CTIF: variants seen among roughly 807,000 people sequenced by gnomAD.
CTIF encodes the protein CBP80/20-dependent translation initiation factor.
In CTIF, 21 loss-of-function variants were observed where a neutral mutation model predicts 66.0. The observed-to-expected ratio is 0.32, with a 90% CI of 0.23 to 0.46. The LOEUF (loss-of-function observed/expected upper bound fraction) is 0.46. CTIF is among the 20% of genes least tolerant of loss of function. The probability of loss-of-function intolerance (pLI) is 1.00; values close to 1 mark genes in which losing one functional copy is unlikely to be tolerated. For synonymous variants in CTIF, 345 were observed against 326.4 expected (o/e 1.06, Z -0.62); for missense variants, 739 against 812.7 (o/e 0.91, Z 1.10).
chr18:48,827,696 C>A (rs1335467700), intron 10 of CTIF, among the ~76,000 whole-genome samples: 2 of 152,186 alleles, frequency 1.3e-5, no homozygotes, highest in Non-Finnish European at 2.9e-5. Flanking sequence ...GGTACCCAGC[C>A]CCTGGGCACT....
intron 10 of CTIF, among the ~76,000 whole-genome samples, chr18:48,842,711 G>A (rs2068974592): frequency 6.6e-6 from 1 of 152,254 alleles, no homozygotes; most frequent in Non-Finnish European, 1.5e-5. Flanking sequence ...CTCTGGGGCT[G>A]TGAAAATCAC....
intron 5 of CTIF, among the ~76,000 whole-genome samples, chr18:48,667,939 C>A (rs1410725724): frequency 6.6e-6 from 1 of 152,242 alleles, no homozygotes; most frequent in Non-Finnish European, 1.5e-5. Context: ...CTGCAGCCTT[C>A]CTGGGATGCA....
chr18:48,730,693 C>CTGTGGTG (rs2092446558), intron 7 of CTIF, among the ~76,000 whole-genome samples: 12 of 144,814 alleles, frequency 8.3e-5, no homozygotes, highest in African/African-American at 1.3e-4. Flanking sequence ...TGAGGAGCCC[C>CTGTGGTG]TGAGGTGTGA....
At chr18:48,632,801 C>G (rs1158285302) in intron 2 of CTIF, among the ~76,000 whole-genome samples, 2 of 152,162 alleles carry the variant, frequency 1.3e-5, no homozygotes, top group African/African-American at 2.4e-5. Flanking sequence ...CCCCACCCCC[C>G]TCTCATTGCT....
chr18:48,849,193 T>C (rs1402731531), intron 10 of CTIF, among the ~76,000 whole-genome samples: 1 of 111,884 alleles, frequency 8.9e-6, no homozygotes, highest in African/African-American at 4.9e-5. Flanking sequence ...ACCAATGCCT[T>C]TTTTTTTTTT....
chr18:48,547,099 G>A (rs1423671228), intron 1 of CTIF, among the ~76,000 whole-genome samples: 1 of 152,170 alleles, frequency 6.6e-6, no homozygotes, highest in Non-Finnish European at 1.5e-5. Context: ...GGGTAAGTGA[G>A]GGAGGAGAGA....
At chr18:48,602,484 GA>G (rs555704698) in intron 1 of CTIF, among the ~76,000 whole-genome samples, 63 of 152,282 alleles carry the variant, frequency 4.1e-4, no homozygotes, top group African/African-American at 1.5e-3. Context: ...TAGCTTAATT[GA>G]CAGCATATTT....
At chr18:48,686,892 C>T (rs1208285624) in intron 6 of CTIF, among the ~76,000 whole-genome samples, 1 of 152,144 alleles carries the variant, frequency 6.6e-6, no homozygotes, top group African/African-American at 2.4e-5. Context: ...GCCCACTCCT[C>T]CTTCGTTTAC....
At chr18:48,582,717 C>T (rs959623517) in intron 1 of CTIF, among the ~76,000 whole-genome samples, 3 of 152,104 alleles carry the variant, frequency 2.0e-5, no homozygotes, top group African/African-American at 2.4e-5. Flanking sequence ...GGGGTTAGAG[C>T]TGCTGCTCTG....
rs1314364235 is a variant in CTIF, at chr18:48,769,292, C to CA, written c.1371+7604dup. Among the ~76,000 whole-genome samples, 3 of 152,216 alleles carry CA rather than the reference C, an allele frequency of 2.0e-5. No individual in the cohort carries two copies. The East Asian group carries it at 5.8e-4, about 29-fold the overall frequency. On this transcript the variant is annotated intron_variant, in intron 9 of 11. Transcript: ENST00000256413. ...TGAGCAAAAGCCCTGGCCATACCCA[C>CA]ATCGAGCTCCCCTCCACTAGTTGCT...
intron 6 of CTIF, among the ~76,000 whole-genome samples, chr18:48,676,107 G>T (rs929861661): frequency 6.6e-6 from 1 of 152,130 alleles, no homozygotes. Context: ...CGCGACCAGT[G>T]TGAGAAAGAC....
At chr18:48,848,903 C>T (rs564244989) in intron 10 of CTIF, among the ~76,000 whole-genome samples, 1 of 152,376 alleles carries the variant, frequency 6.6e-6, no homozygotes, top group Non-Finnish European at 1.5e-5. Flanking sequence ...GGAATGCATT[C>T]GCTTCCGAAC....
intron 3 of CTIF, among the ~76,000 whole-genome samples, chr18:48,646,901 CAA>C (rs35904615): frequency 0.013 from 1,003 of 78,020 alleles, 5 homozygotes; most frequent in African/African-American, 0.046. Flanking sequence ...TTGGCAGTTT[CAA>C]AAAAAAAAAA....
intron 7 of CTIF, among the ~76,000 whole-genome samples, chr18:48,722,636 TCA>T: frequency 6.6e-6 from 1 of 151,966 alleles, no homozygotes; most frequent in East Asian, 1.9e-4. Context: ...TCATCGGCAC[TCA>T]CAGGTGTAAG....
At chr18:48,592,921 C>A (rs1375054192) in intron 1 of CTIF, among the ~76,000 whole-genome samples, 1 of 152,246 alleles carries the variant, frequency 6.6e-6, no homozygotes, top group Non-Finnish European at 1.5e-5. Flanking sequence ...AGGCAGGCTG[C>A]CGCGGATCAG....
intron 1 of CTIF, among the ~76,000 whole-genome samples, chr18:48,600,345 T>G (rs1254520809): frequency 6.6e-6 from 1 of 152,154 alleles, no homozygotes; most frequent in Non-Finnish European, 1.5e-5. Flanking sequence ...TGTCTGTATG[T>G]GCTTCATTTG....
intron 3 of CTIF, among the ~76,000 whole-genome samples, chr18:48,639,931 A>G (rs140497135): frequency 6.6e-6 from 1 of 152,188 alleles, no homozygotes; most frequent in East Asian, 1.9e-4. Context: ...GTTGCCCCCT[A>G]CTGGAGGGAT....
intron 7 of CTIF, among the ~76,000 whole-genome samples, chr18:48,728,301 C>T (rs758139043): frequency 3.3e-5 from 5 of 152,140 alleles, no homozygotes; most frequent in East Asian, 1.9e-4. Flanking sequence ...CTTCTGGCTC[C>T]GGCCCACTGC....
At chr18:48,705,768 TCTC>T (rs1437651142) in intron 6 of CTIF, among the ~76,000 whole-genome samples, 3 of 152,248 alleles carry the variant, frequency 2.0e-5, no homozygotes, top group African/African-American at 2.4e-5. Context: ...CATGCCCTCT[TCTC>T]CTCTCTTGTG....
Sources: allele counts gnomAD v4.1 joint callset (sites outside exome capture counted in the v4.1 genomes callset), GRCh38; gene constraint gnomAD v4.1.1; transcripts MANE v1.5; gene names NCBI Gene and HGNC (gene_info 2026-07-23, HGNC 2026-07-21).